GFRAL: variants seen among roughly 807,000 people sequenced by gnomAD.
The protein encoded by GFRAL is GDNF family receptor alpha like, also known as GDNF family receptor alpha-like.
In GFRAL, 36 loss-of-function variants were observed where a neutral mutation model predicts 45.4. The observed-to-expected ratio is 0.79, with a 90% CI of 0.61 to 1.05. The LOEUF (loss-of-function observed/expected upper bound fraction) is 1.05, where lower values mean the gene tolerates loss of function less well. Ranked by LOEUF, GFRAL falls within the 50% of genes least tolerant of loss-of-function variation. GFRAL has a pLI of 0.00. For missense variants in GFRAL, 507 were observed against 467.5 expected (o/e 1.08, Z -0.78); for synonymous variants, 166 against 154.1 (o/e 1.08, Z -0.57).
intron 6 of GFRAL, among the ~76,000 whole-genome samples, chr6:55,371,567 A>T (rs1212596883): frequency 6.6e-6 from 1 of 152,174 alleles, no homozygotes; most frequent in Non-Finnish European, 1.5e-5. Flanking sequence ...ATTAAGTCTG[A>T]CATTTGTCAC....
intron 2 of GFRAL, among the ~76,000 whole-genome samples, chr6:55,332,908 A>G (rs1581897439): frequency 6.6e-6 from 1 of 152,256 alleles, no homozygotes. Flanking sequence ...AACATAGTCA[A>G]TTTATACAGT....
rs373706829 is a variant in GFRAL at position 55,361,953 on chromosome 6, G to C, written c.952+2815G>C. 2.9e-4 allele frequency among the ~76,000 whole-genome samples: 44 copies of C among 152,070 alleles called. No individual in the cohort carries two copies. In the South Asian group the frequency reaches 7.9e-3, roughly 27 times the overall value. On this transcript the variant is annotated intron_variant, in intron 6 of 8. Transcript: ENST00000340465. ...TGCATTGTTTCTCAAACTCATTTGA[G>C]CTTAGGCCACAGTAAGTAATATATG...
chr6:55,327,676 T>C (rs919765157), intron 1 of GFRAL, 100 bp downstream of exon 1: 4 of 1,092,580 alleles, frequency 3.7e-6, no homozygotes, highest in Non-Finnish European at 5.4e-6. Flanking sequence ...GCTTATAATA[T>C]GAAGTACCAA....
intron 6 of GFRAL, among the ~76,000 whole-genome samples, chr6:55,359,645 G>A (rs1156272555): frequency 1.3e-5 from 2 of 151,902 alleles, no homozygotes; most frequent in Non-Finnish European, 2.9e-5. Flanking sequence ...GTCCAAGGTG[G>A]TATTAGCAGA....
At chr6:55,377,889 G>T (rs147282055) in intron 6 of GFRAL, among the ~76,000 whole-genome samples, 25 of 152,178 alleles carry the variant, frequency 1.6e-4, no homozygotes, top group African/African-American at 5.8e-4. Flanking sequence ...AGGAGATGGG[G>T]TGTCAAGAGT....
In GFRAL at chr6:55,345,738, A is replaced by G. The variant is rs557682497; in HGVS notation, c.317-4354A>G. 5.3e-5 allele frequency among the ~76,000 whole-genome samples: 8 copies of G among 152,296 alleles called. No individual in the cohort carries two copies. The South Asian group carries it at 1.7e-3, about 32-fold the overall frequency. On this transcript the variant is annotated intron_variant, in intron 3 of 8. Coordinates refer to ENST00000340465, the MANE Select transcript of GFRAL (RefSeq NM_207410.2). The stretch of plus-strand genomic sequence containing the variant: ...GAGCTTCTGTACAGCAAAAGAAACT[A>G]CCATCAGAGTGAACAGGCAACCTAC...
intron 6 of GFRAL, among the ~76,000 whole-genome samples, chr6:55,360,812 A>T (rs115345922): frequency 0.028 from 4,208 of 152,060 alleles, 80 homozygotes; most frequent in African/African-American, 0.05. Context: ...AACTTATAGT[A>T]ATATATACAG....
intron 3 of GFRAL, among the ~76,000 whole-genome samples, 197 bp from the exon 4 acceptor site, chr6:55,349,895 A>C (rs114601948): frequency 0.013 from 2,017 of 152,036 alleles, 25 homozygotes; most frequent in Non-Finnish European, 0.022. Flanking sequence ...CACTTGAATG[A>C]TATTTCAGAG....
chr6:55,342,344 G>A (rs1767979398), intron 3 of GFRAL, among the ~76,000 whole-genome samples: 1 of 152,212 alleles, frequency 6.6e-6, no homozygotes, highest in South Asian at 2.1e-4. Context: ...AACTCTACAA[G>A]CCAGAAGAGA....
intron 6 of GFRAL, among the ~76,000 whole-genome samples, chr6:55,374,571 A>AT (rs1456078025): frequency 1.3e-5 from 2 of 151,956 alleles, no homozygotes; most frequent in African/African-American, 4.8e-5. Flanking sequence ...TTCTTCCACT[A>AT]TGTAGGTTGT....
At chr6:55,334,446 A>AG (rs1767867364) in intron 3 of GFRAL, among the ~76,000 whole-genome samples, 1 of 152,226 alleles carries the variant, frequency 6.6e-6, no homozygotes, top group Admixed American at 6.5e-5. Flanking sequence ...ACACTGGAGT[A>AG]GGGGTGATCA....
intron 6 of GFRAL, among the ~76,000 whole-genome samples, chr6:55,395,389 C>A (rs1163143084): frequency 6.6e-6 from 1 of 151,564 alleles, no homozygotes; most frequent in Non-Finnish European, 1.5e-5. Context: ...AATTATAGTA[C>A]AAACTATTTT....
chr6:55,398,694 A>C (rs749378948), intron 6 of GFRAL, among the ~76,000 whole-genome samples: 1 of 152,200 alleles, frequency 6.6e-6, no homozygotes, highest in Non-Finnish European at 1.5e-5. Flanking sequence ...ATGGCCAGGA[A>C]TAGCTCTGAA....
intron 6 of GFRAL, among the ~76,000 whole-genome samples, chr6:55,391,953 T>C (rs141000630): frequency 6.6e-6 from 1 of 152,320 alleles, no homozygotes; most frequent in African/African-American, 2.4e-5. Context: ...CTATGTTTAG[T>C]TTTTATCTTG....
chr6:55,366,671 T>A (rs1350642174), intron 6 of GFRAL, among the ~76,000 whole-genome samples: 1 of 107,992 alleles, frequency 9.3e-6, no homozygotes, highest in East Asian at 2.2e-4. Context: ...AAAGAACATC[T>A]TTATTTCTGC....
chr6:55,360,445 T>C (rs1768258331), intron 6 of GFRAL, among the ~76,000 whole-genome samples: 1 of 152,072 alleles, frequency 6.6e-6, no homozygotes, highest in African/African-American at 2.4e-5. Context: ...CAGATGCATA[T>C]TTACACATTT....
intron 6 of GFRAL, among the ~76,000 whole-genome samples, chr6:55,362,358 G>A (rs1768287392): frequency 1.3e-5 from 2 of 151,806 alleles, no homozygotes; most frequent in Admixed American, 1.3e-4. Flanking sequence ...CTATTAGTCT[G>A]AACTTCATAG....
chr6:55,353,090 C>G (rs1351527453), intron 5 of GFRAL, among the ~76,000 whole-genome samples: 1 of 151,782 alleles, frequency 6.6e-6, no homozygotes. Flanking sequence ...GTAGAGTGTG[C>G]AAAGGGGAGA....
intron 4 of GFRAL, 57 bp from the exon 5 acceptor site, chr6:55,351,196 C>A: frequency 8.4e-7 from 1 of 1,194,818 alleles, no homozygotes; most frequent in East Asian, 2.4e-5. Context: ...TTTATAGTTT[C>A]TGTATGTACA....
Sources: allele counts gnomAD v4.1 joint callset (sites outside exome capture counted in the v4.1 genomes callset), GRCh38; gene constraint gnomAD v4.1.1; transcripts MANE v1.5; gene names NCBI Gene and HGNC (gene_info 2026-07-23, HGNC 2026-07-21).